The following LRP1 variants were observed in gnomAD, a reference collection of about 807,000 sequenced individuals.
LRP1 encodes the protein LDL receptor related protein 1, also known as prolow-density lipoprotein receptor-related protein 1.
A neutral mutation model predicts 541.5 loss-of-function variants in LRP1; 51 were observed. That is an observed-to-expected ratio of 0.09 (90% CI 0.08 to 0.12). LRP1 has a LOEUF of 0.12. LRP1 is among the 10% of genes least tolerant of loss of function. The pLI is 1.00. For synonymous variants in LRP1, 2,219 were observed against 2,470.8 expected (o/e 0.90, Z 3.02); for missense variants, 3,878 against 6,376.2 (o/e 0.61, Z 13.34).
At position 57,154,430 on chromosome 12, in the gene LRP1, A is replaced by C; in HGVS notation, c.1005-49A>C. ...GTGGGAGGCTGAGGCTACAGTGGTA[A>C]GGAGGGTGCCCAATGTCCAGACCCC... On this transcript the variant is annotated intron_variant, in intron 7 of 88. Transcript: ENST00000243077. This position sits in a 1 kb window ranked among gnomAD's most constrained non-coding sequence, Gnocchi z 4.6. 3 of 1,606,668 alleles carry C rather than the reference A, an allele frequency of 1.9e-6. No homozygotes were observed. Among genetic ancestry groups the C allele is most frequent in the Non-Finnish European group, 2.6e-6 (3 of 1,174,342 alleles).
At chr12:57,131,003 G>A (rs1565708998) in intron 1 of LRP1, among the ~76,000 whole-genome samples, 1 of 152,160 alleles carries the variant, frequency 6.6e-6, no homozygotes, top group Admixed American at 6.5e-5. Flanking sequence ...GTGAGAAAGG[G>A]GAATTGCATA....
In LRP1 at chr12:57,162,522, C is replaced by G; in HGVS notation, c.2404+4C>G. ...TATGATGCCCAGCAGCAGCAAGGTACCTCCTTGGGGCTGGGGGCAGCGTGG... is the reference window on the plus strand; with the variant it reads ...TATGATGCCCAGCAGCAGCAAGGTAGCTCCTTGGGGCTGGGGGCAGCGTGG... On this transcript the variant is annotated splice_donor_region_variant and intron_variant, in intron 14 of 88. Transcript: ENST00000243077. The surrounding 1 kb of genome is among the most constrained non-coding windows in gnomAD (Gnocchi z 5.2). The G allele has an allele frequency of 6.2e-7, 1 of 1,613,428 alleles. No individual in the cohort carries two copies. The highest frequency in any genetic ancestry group is 8.5e-7 in the Non-Finnish European group (1 of 1,179,938).
chr12:57,154,464 T>C lies in LRP1; in HGVS notation c.1005-15T>C. Reference sequence around the variant, plus strand: ...CCCAATGTCCAGACCCCATTTAACATGCATCTTCCCACAGGAAGGTGTTTT... The same window carrying C: ...CCCAATGTCCAGACCCCATTTAACACGCATCTTCCCACAGGAAGGTGTTTT... On this transcript the variant is annotated splice_polypyrimidine_tract_variant and intron_variant, in intron 7 of 88. Transcript: ENST00000243077. This position sits in a 1 kb window ranked among gnomAD's most constrained non-coding sequence, Gnocchi z 4.6. 2.5e-6 allele frequency: 4 copies of C among 1,611,284 alleles called. No individual in the cohort carries two copies. Among genetic ancestry groups the C allele is most frequent in the Non-Finnish European group, 3.4e-6 (4 of 1,177,574 alleles).
rs114165359 is a variant in LRP1 at position 57,130,854 on chromosome 12, C to G, written c.67+1823C>G. On this transcript the variant is annotated intron_variant, in intron 1 of 88. Transcript: ENST00000243077. ...TACCCTTTCTTAAAATGTTCACCCA[C>G]GCCCCCTCTGTATCTCCAGCTCAGA... Among the ~76,000 whole-genome samples the G allele has an allele frequency of 4.4e-3, 676 of 152,254 alleles. 8 individuals carry two copies. The highest frequency in any genetic ancestry group is 0.015 in the African/African-American group (631 of 41,528).
chr12:57,138,578 A>G lies in LRP1; in HGVS notation c.187A>G (p.Ile63Val). 1 of 1,613,804 alleles carries G rather than the reference A, an allele frequency of 6.2e-7. No individual in the cohort carries two copies. Among genetic ancestry groups the G allele is most frequent in the Non-Finnish European group, 8.5e-7 (1 of 1,179,874 alleles). Residue 63 changes from isoleucine (I) to valine (V), a missense_variant, in exon 2 of 89, where the codon ATT becomes GTT. This residue lies in a region of LRP1 where 293 missense variants were observed against 403.7 expected (regional missense o/e 0.73). Transcript: ENST00000243077. ...AGACGGATCTGACGAGGCCCCTGAG[A>G]TTTGTAAGTACCTTTTCTGGATTCT... ...CPDGSDEAPE[I>V]CPQSKAQRCQ...
Position 57,183,620 on chromosome 12 carries a change from G to A in LRP1, c.5794+110G>A, listed in dbSNP as rs1396695444. The A allele has an allele frequency of 1.3e-6, 2 of 1,496,314 alleles. No homozygotes were observed. The highest frequency in any genetic ancestry group is 1.8e-6 in the Non-Finnish European group (2 of 1,110,774). The allele number at this position is 1,496,314 out of a possible 1,614,324, so 92.7% of individuals were successfully genotyped here. A position where few individuals can be genotyped will look rare whatever the true frequency, so the allele number is the denominator to read the frequency against. On this transcript the variant is annotated intron_variant, in intron 35 of 88. Transcript: ENST00000243077. This position sits in a 1 kb window ranked among gnomAD's most constrained non-coding sequence, Gnocchi z 6.1. ...GCTGCCTGAATTGGCCTGAGGTGGG[G>A]CACTTGCTACAGCTGCCACCCTGAC... is the stretch of plus-strand genomic sequence containing the variant.
chr12:57,207,069 G>A (rs540163740), intron 76 of LRP1, among the ~76,000 whole-genome samples: 5 of 152,080 alleles, frequency 3.3e-5, no homozygotes, highest in African/African-American at 4.8e-5. Flanking sequence ...GTGAAACCCC[G>A]TCTCTATTAA....
Position 57,158,211 on chromosome 12 carries a change from G to T in LRP1, c.1562-191G>T, listed in dbSNP as rs576825204. Among the ~76,000 whole-genome samples the T allele has an allele frequency of 6.6e-4, 100 of 152,284 alleles. 1 individual carries two copies. The highest frequency in any genetic ancestry group is 1.0e-4 in the Non-Finnish European group (7 of 68,016). On this transcript the variant is annotated intron_variant, in intron 10 of 88. Transcript: ENST00000243077. The surrounding 1 kb of genome is among the most constrained non-coding windows in gnomAD (Gnocchi z 5.3). ...TGGAGTGCAGAGGTCAGACCCCAGGGTATTGCGGCCAGGACCCATCGTCCT... is the reference window on the plus strand; with the variant it reads ...TGGAGTGCAGAGGTCAGACCCCAGGTTATTGCGGCCAGGACCCATCGTCCT...
rs2136703133 is a variant in LRP1, at chr12:57,179,142, C to T, written c.4738+121C>T. The T allele has an allele frequency of 2.9e-6, 4 of 1,395,720 alleles. No individual in the cohort carries two copies. Among genetic ancestry groups the T allele is most frequent in the East Asian group, 2.4e-5 (1 of 41,536 alleles). The allele number at this position is 1,395,720 out of a possible 1,614,324, so 86.5% of individuals were successfully genotyped here. ...GTCGGGAGGGTCCCGATAGGAGAGG[C>T]TCCAGAGACAGCCACTGTGAGAAGG... is the stretch of plus-strand genomic sequence containing the variant. On this transcript the variant is annotated intron_variant, in intron 28 of 88. Coordinates refer to ENST00000243077, the MANE Select transcript of LRP1 (RefSeq NM_002332.3). The surrounding 1 kb of genome is among the most constrained non-coding windows in gnomAD (Gnocchi z 6.8).
At chr12:57,170,169 A>G (rs984708027) in intron 20 of LRP1, among the ~76,000 whole-genome samples, 2 of 152,212 alleles carry the variant, frequency 1.3e-5, no homozygotes, top group Non-Finnish European at 2.9e-5. Context: ...CCCTGTGGGC[A>G]TGTCTGTCAC....
chr12:57,175,551 G>T lies in LRP1; in HGVS notation c.3639G>T (p.Glu1213Asp), dbSNP rs911481879. 5.6e-6 allele frequency: 9 copies of T among 1,614,094 alleles called. No homozygotes were observed. The African/African-American group carries it at 1.2e-4, about 22-fold the overall frequency. Residue 1213 changes from glutamate (E) to aspartate (D), a missense_variant, in exon 23 of 89, where the codon GAG (glutamate) becomes GAT (aspartate). By Grantham distance (45) the Glu-to-Asp change is conservative (BLOSUM62 2). Coordinates refer to ENST00000243077, the MANE Select transcript of LRP1 (RefSeq NM_002332.3). Reference sequence around the variant, plus strand: ...TGTGTTCCTGCCCTCTGGGCATGGAGCTGGGGCCCGACAACCACACCTGCC... The same window carrying T: ...TGTGTTCCTGCCCTCTGGGCATGGATCTGGGGCCCGACAACCACACCTGCC... ...GIVCSCPLGM[E>D]LGPDNHTCQI...
At position 57,156,739 on chromosome 12, in the gene LRP1, C is replaced by A; in HGVS notation, c.1418-38C>A. 12 of 1,573,878 alleles carry A rather than the reference C, an allele frequency of 7.6e-6. No individual in the cohort carries two copies. The highest frequency in any genetic ancestry group is 1.0e-5 in the Non-Finnish European group (12 of 1,152,380). Reference sequence around the variant, plus strand: ...GCCTTCTCAAGGCCTGGCACAGGGGCTCTGAGGGGTCCTAACAGCTCTTCA... The same window carrying A: ...GCCTTCTCAAGGCCTGGCACAGGGGATCTGAGGGGTCCTAACAGCTCTTCA... On this transcript the variant is annotated intron_variant, in intron 9 of 88. Coordinates refer to ENST00000243077, the MANE Select transcript of LRP1 (RefSeq NM_002332.3). The surrounding 1 kb of genome is among the most constrained non-coding windows in gnomAD (Gnocchi z 5.2).
In LRP1 at chr12:57,167,529, G is replaced by C; in HGVS notation, c.2995+5G>C. The C allele has an allele frequency of 1.2e-6, 2 of 1,612,734 alleles. No individual in the cohort carries two copies. Among genetic ancestry groups the C allele is most frequent in the Non-Finnish European group, 1.7e-6 (2 of 1,178,722 alleles). On this transcript the variant is annotated splice_donor_5th_base_variant and intron_variant, in intron 19 of 88. Coordinates refer to ENST00000243077, the MANE Select transcript of LRP1 (RefSeq NM_002332.3). ...TCAACTGGAGATGCGACAATGGTAA[G>C]AGCTTGCTCTCCTCACCTGCTGATT...
rs2036784117 is a variant in LRP1 at position 57,206,581 on chromosome 12, T to A, written c.11699T>A (p.Val3900Asp). 6.2e-7 allele frequency: 1 copy of A among 1,614,050 alleles called. No individual in the cohort carries two copies. The highest frequency in any genetic ancestry group is 8.5e-7 in the Non-Finnish European group (1 of 1,180,030). The change falls in exon 76 of 89, where the codon GTC becomes GAC. Residue 3900 changes from valine to aspartate, a missense_variant. Physicochemically the swap from Val to Asp is radical, Grantham distance 152. Around this residue, in one of 13 missense-constraint regions of LRP1, gnomAD observed 871 missense variants for 1,212.4 expected, o/e 0.72. Transcript: ENST00000243077. This position sits in a 1 kb window ranked among gnomAD's most constrained non-coding sequence, Gnocchi z 4.7. Reference sequence around the variant, plus strand: ...CAGGCATTCCAGGGTGACGAGAGTGTCCGCATTGATGCTATGGATGTCCAT... The same window carrying A: ...CAGGCATTCCAGGGTGACGAGAGTGACCGCATTGATGCTATGGATGTCCAT... ...YEQAFQGDES[V>D]RIDAMDVHVK...
chr12:57,167,701 G>A (rs540385784), intron 19 of LRP1, among the ~76,000 whole-genome samples, 177 bp downstream of exon 19: 18 of 152,330 alleles, frequency 1.2e-4, no homozygotes, highest in African/African-American at 3.8e-4. Flanking sequence ...AGGGAGCCAC[G>A]ATGGACCAAG....
rs369358380 is a variant in LRP1, at chr12:57,138,455, C to G, written c.68-4C>G. ...TTATATCCCCTTTTCTTTCCTTGCC[C>G]TAGCCCCTAAGACTTGCAGCCCCAA... On this transcript the variant is annotated splice_region_variant and splice_polypyrimidine_tract_variant and intron_variant, in intron 1 of 88. Coordinates refer to ENST00000243077, the MANE Select transcript of LRP1 (RefSeq NM_002332.3). The G allele has an allele frequency of 6.2e-7, 1 of 1,613,612 alleles. No homozygotes were observed. Among genetic ancestry groups the G allele is most frequent in the African/African-American group, 1.3e-5 (1 of 74,884 alleles).
chr12:57,139,642 C>A (rs1008473790), intron 2 of LRP1, among the ~76,000 whole-genome samples: 4 of 152,148 alleles, frequency 2.6e-5, no homozygotes, highest in African/African-American at 7.2e-5. Context: ...CACACTCATA[C>A]CCCCCGGACT....
intron 44 of LRP1, among the ~76,000 whole-genome samples, chr12:57,192,355 G>GC (rs2036431001): frequency 1.3e-5 from 2 of 152,042 alleles, no homozygotes; most frequent in Admixed American, 1.3e-4. Flanking sequence ...TGTCACACCC[G>GC]CCCCTCAGGG....
At chr12:57,182,837 A>T (rs2036192563) in intron 34 of LRP1, among the ~76,000 whole-genome samples, 1 of 152,114 alleles carries the variant, frequency 6.6e-6, no homozygotes, top group Admixed American at 6.6e-5. Flanking sequence ...AACAAAGAAA[A>T]ACAAAAGAAA....
Sources: gnomAD v4.1 joint callset for allele counts (sites outside exome capture counted in the v4.1 genomes callset) on GRCh38, gnomAD v4.1.1 for gene constraint, gnomAD v4.1.1 regional missense constraint, Gnocchi (gnomAD v3.1) non-coding constraint, MANE v1.5 for transcripts, NCBI Gene and HGNC (gene_info 2026-07-23, HGNC 2026-07-21) for gene names.